The following ARIH2 variants were observed in gnomAD, a reference collection of about 807,000 sequenced individuals.
ARIH2 encodes the protein ariadne RBR E3 ubiquitin protein ligase 2, also known as E3 ubiquitin-protein ligase ARIH2.
A neutral mutation model predicts 79.8 loss-of-function variants in ARIH2; 12 were observed. That is an observed-to-expected ratio of 0.15 (90% CI 0.10 to 0.24). The LOEUF (loss-of-function observed/expected upper bound fraction) is 0.24. Among genes scored for constraint, ARIH2 ranks in the 10% least tolerant of loss-of-function variants. The probability of loss-of-function intolerance (pLI) is 1.00; values close to 1 mark genes in which losing one functional copy is unlikely to be tolerated. For missense variants in ARIH2, 301 were observed against 618.3 expected (o/e 0.49, Z 5.44); for synonymous variants, 224 against 213.9 (o/e 1.05, Z -0.41).
At chr3:48,957,538 T>C (rs566083335) in intron 3 of ARIH2, among the ~76,000 whole-genome samples, 24 of 152,264 alleles carry the variant, frequency 1.6e-4, no homozygotes, top group Admixed American at 5.2e-4. Flanking sequence ...TCTGAGTTAC[T>C]AGGTGGCATA....
chr3:48,945,794 AATG>A (rs1204570816), intron 3 of ARIH2, among the ~76,000 whole-genome samples: 1 of 152,192 alleles, frequency 6.6e-6, no homozygotes, highest in Non-Finnish European at 1.5e-5. Context: ...TGATCTGAAA[AATG>A]ATATCACAAT....
chr3:48,971,401 T>C (rs544115685), intron 8 of ARIH2, among the ~76,000 whole-genome samples: 2 of 152,308 alleles, frequency 1.3e-5, no homozygotes, highest in South Asian at 4.1e-4. Flanking sequence ...TGTGCCACCA[T>C]GCCCAGCTAA....
At chr3:48,937,974 G>T (rs2087416828) in intron 3 of ARIH2, among the ~76,000 whole-genome samples, 1 of 151,338 alleles carries the variant, frequency 6.6e-6, no homozygotes, top group Admixed American at 6.6e-5. Flanking sequence ...GTGAACCTGG[G>T]AGGCGGAGCT....
In ARIH2 at chr3:48,971,265, G is replaced by A. The variant is rs540134221; in HGVS notation, c.770+561G>A. Among the ~76,000 whole-genome samples the A allele has an allele frequency of 5.9e-5, 9 of 152,216 alleles. No individual in the cohort carries two copies. In the South Asian group the frequency reaches 1.9e-3, roughly 32 times the overall value. On this transcript the variant is annotated intron_variant, in intron 8 of 15. Transcript: ENST00000356401. ...CTCTCTTTTTTTGTTGTTTTCTTGAGACGGAGTCTTTCTCTGTAGCCCAGG... is the reference window on the plus strand; with the variant it reads ...CTCTCTTTTTTTGTTGTTTTCTTGAAACGGAGTCTTTCTCTGTAGCCCAGG...
intron 3 of ARIH2, among the ~76,000 whole-genome samples, chr3:48,930,505 T>G (rs563736813): frequency 6.6e-6 from 1 of 152,194 alleles, no homozygotes; most frequent in Non-Finnish European, 1.5e-5. Flanking sequence ...ATTTTTTTTT[T>G]GGTAGAGATG....
intron 3 of ARIH2, among the ~76,000 whole-genome samples, chr3:48,953,466 C>T (rs960742167): frequency 6.6e-6 from 1 of 151,982 alleles, no homozygotes; most frequent in Non-Finnish European, 1.5e-5. Flanking sequence ...GGCAGTGGTG[C>T]GACCTCGGCT....
At chr3:48,934,786 G>T (rs1432963481) in intron 3 of ARIH2, 1 of 985,262 alleles carries the variant, frequency 1.0e-6, no homozygotes, top group Non-Finnish European at 1.2e-6. Flanking sequence ...GCTTAGAAAA[G>T]TTATTGTCAT....
At position 48,985,915 on chromosome 3, in the gene ARIH2, G is replaced by A. The variant is rs775023870; in HGVS notation, c.*2645G>A. 1 of 152,260 alleles carries A rather than the reference G, an allele frequency of 6.6e-6. No homozygotes were observed. Among genetic ancestry groups the A allele is most frequent in the Non-Finnish European group, 1.5e-5 (1 of 68,108 alleles). 9.4% of individuals were successfully genotyped at this position (152,260 alleles called of 1,614,324 possible). A position where few individuals can be genotyped will look rare whatever the true frequency, so the allele number is the denominator to read the frequency against. On this transcript the variant is annotated 3_prime_UTR_variant, in exon 16 of 16. Coordinates refer to ENST00000356401, the MANE Select transcript of ARIH2 (RefSeq NM_006321.4). ...AGCAGACATGGGAATGTAGGGCTGT[G>A]GAATATGGCAGGGTGAACTCCAGCT...
Position 48,918,920 on chromosome 3 carries a change from G to A in ARIH2, c.-240G>A, listed in dbSNP as rs772544492. 2.4e-5 allele frequency: 39 copies of A among 1,596,492 alleles called. No individual in the cohort carries two copies. Among genetic ancestry groups the A allele is most frequent in the African/African-American group, 1.7e-4 (13 of 74,684 alleles). On this transcript the variant is annotated 5_prime_UTR_variant, in exon 1 of 16. Coordinates refer to ENST00000356401, the MANE Select transcript of ARIH2 (RefSeq NM_006321.4). ...GGCCCGCCGCCTCCGCTGCCGCTTCGCCCCAATCCGGTCCCTCTGGCCCGG... is the reference window on the plus strand; with the variant it reads ...GGCCCGCCGCCTCCGCTGCCGCTTCACCCCAATCCGGTCCCTCTGGCCCGG...
chr3:48,940,829 A>ATATG (rs2088064002), intron 3 of ARIH2, among the ~76,000 whole-genome samples: 1 of 143,470 alleles, frequency 7.0e-6, no homozygotes, highest in Non-Finnish European at 1.5e-5. Context: ...ATATATATAT[A>ATATG]GCCACATACA....
chr3:48,967,135 C>G lies in ARIH2; in HGVS notation c.398C>G (p.Ser133Cys), dbSNP rs761632702. 2.5e-5 allele frequency: 40 copies of G among 1,613,782 alleles called. No individual in the cohort carries two copies. In the South Asian group the frequency reaches 4.3e-4, roughly 17 times the overall value. The change falls in exon 6 of 16, where the codon TCC becomes TGC. Residue 133 changes from serine (S) to cysteine (C), a missense_variant. Around this residue, in one of 2 missense-constraint regions of ARIH2, gnomAD observed 223 missense variants for 349.4 expected, o/e 0.64. Transcript: ENST00000356401. The stretch of plus-strand genomic sequence containing the variant: ...TCTGTTTCTCTCCAGGTTCCCACAT[C>G]CCATCCCCCTCACCACTGTGCAGTG... ...QPNPSKHVPTSHPPHHCAVCM... is the reference protein window; with the variant it reads ...QPNPSKHVPTCHPPHHCAVCM...
At chr3:48,936,664 C>T (rs183366449) in intron 3 of ARIH2, among the ~76,000 whole-genome samples, 182 of 151,928 alleles carry the variant, frequency 1.2e-3, no homozygotes, top group African/African-American at 4.2e-3. Flanking sequence ...ACCTGGGAAG[C>T]GGAGGTTGCA....
intron 3 of ARIH2, among the ~76,000 whole-genome samples, chr3:48,948,399 G>T (rs1481184522): frequency 6.6e-6 from 1 of 152,178 alleles, no homozygotes; most frequent in East Asian, 1.9e-4. Flanking sequence ...CTCTGAAGTA[G>T]CTGGGATCAC....
intron 11 of ARIH2, among the ~76,000 whole-genome samples, chr3:48,979,134 G>A (rs557725181): frequency 1.3e-5 from 2 of 152,238 alleles, no homozygotes; most frequent in East Asian, 1.9e-4. Context: ...CAGTCAGGTC[G>A]GCCTCAGTTG....
rs146966763 is a variant in ARIH2 at position 48,956,765 on chromosome 3, C to G, written c.256-4847C>G. On this transcript the variant is annotated intron_variant, in intron 3 of 15. Transcript: ENST00000356401. ...CCAGGCTGGAGTGCAGTGGCACGAT[C>G]TCGGCTCACTGCAACCTCTGCCTCC... Among the ~76,000 whole-genome samples, 1,071 of 151,802 alleles carry G rather than the reference C, an allele frequency of 7.1e-3. 4 individuals are homozygous for G. The highest frequency in any genetic ancestry group is 0.034 in the Middle Eastern group (10 of 294).
In ARIH2 at chr3:48,983,249, G is replaced by A. The variant is rs376484398; in HGVS notation, c.1461G>A (p.Leu487=). Residue 487 remains leucine (L), a synonymous_variant, in exon 16 of 16, where the codon CTG becomes CTA. Transcript: ENST00000356401. ...HIAEQRRRTL[L]KDFHDT Reference sequence around the variant, plus strand: ...CGGAGCAGCGGAGGAGAACCCTGCTGAAAGATTTCCATGACACCTAAGTTG... The same window carrying A: ...CGGAGCAGCGGAGGAGAACCCTGCTAAAAGATTTCCATGACACCTAAGTTG... The A allele has an allele frequency of 6.2e-7, 1 of 1,614,200 alleles. No individual in the cohort carries two copies. Among genetic ancestry groups the A allele is most frequent in the Non-Finnish European group, 8.5e-7 (1 of 1,180,038 alleles).
chr3:48,980,274 T>G, intron 12 of ARIH2, 79 bp from the exon 13 acceptor site: 1 of 1,450,540 alleles, frequency 6.9e-7, no homozygotes, highest in Non-Finnish European at 9.4e-7. Flanking sequence ...GCCAGCAAGG[T>G]GTCTATCCTG....
chr3:48,975,070 T>C, intron 11 of ARIH2, 91 bp downstream of exon 11: 5 of 1,604,496 alleles, frequency 3.1e-6, no homozygotes, highest in Non-Finnish European at 4.3e-6. Flanking sequence ...TGCCATGAAA[T>C]GACAAAACAT....
At chr3:48,919,415 G>C (rs1299128739) in intron 1 of ARIH2, 2 of 365,104 alleles carry the variant, frequency 5.5e-6, no homozygotes, top group African/African-American at 2.1e-5. Flanking sequence ...CTCCGCGTCC[G>C]CGCGAATATC....
Sources: gnomAD v4.1 joint callset for allele counts (sites outside exome capture counted in the v4.1 genomes callset) on GRCh38, gnomAD v4.1.1 for gene constraint, gnomAD v4.1.1 regional missense constraint, MANE v1.5 for transcripts, NCBI Gene and HGNC (gene_info 2026-07-23, HGNC 2026-07-21) for gene names.